Variants in DTNA observed in about 807,000 individuals in gnomAD.
The protein encoded by DTNA is dystrobrevin alpha.
In DTNA, 43 loss-of-function variants were observed where a neutral mutation model predicts 100.7. The observed-to-expected ratio is 0.43, with a 90% confidence interval of 0.33 to 0.55. The LOEUF (loss-of-function observed/expected upper bound fraction) is 0.55. Among genes scored for constraint, DTNA ranks in the 20% least tolerant of loss-of-function variants. DTNA has a pLI of 0.04. For missense variants in DTNA, 798 were observed against 953.9 expected, an observed-to-expected ratio of 0.84 and a Z score of 2.15; for synonymous variants, 349 against 347.9, an observed-to-expected ratio of 1.00 and a Z score of -0.04.
At chr18:34,584,895 C>T (rs775019702) in intron 1 of DTNA, among the ~76,000 whole-genome samples, 71 of 151,972 alleles carry the variant, frequency 4.7e-4, no homozygotes, top group Non-Finnish European at 9.4e-4. Flanking sequence ...TAAAATGAAT[C>T]GGGAAACAAA....
intron 1 of DTNA, among the ~76,000 whole-genome samples, chr18:34,661,978 G>A (rs926241311): frequency 2.6e-5 from 4 of 152,096 alleles, no homozygotes; most frequent in African/African-American, 9.7e-5. Context: ...CTGCGCCTCT[G>A]TGTGGCAGTC....
intron 1 of DTNA, among the ~76,000 whole-genome samples, chr18:34,699,854 G>A (rs1266039767): frequency 6.6e-6 from 1 of 150,762 alleles, no homozygotes; most frequent in Non-Finnish European, 1.5e-5. Context: ...AAAAAGCAAA[G>A]CAAAACAAAA....
At chr18:34,624,367 C>A (rs2057007216) in intron 1 of DTNA, among the ~76,000 whole-genome samples, 1 of 152,094 alleles carries the variant, frequency 6.6e-6, no homozygotes, top group Non-Finnish European at 1.5e-5. Flanking sequence ...ATAGAAAGTA[C>A]CTACTATGTT....
chr18:34,801,065 AT>A (rs1024497270), intron 4 of DTNA, among the ~76,000 whole-genome samples: 22 of 152,306 alleles, frequency 1.4e-4, no homozygotes, highest in African/African-American at 5.1e-4. Flanking sequence ...CACTATATAT[AT>A]TTTAACCAAA....
chr18:34,887,659 G>C (rs150730326), intron 22 of DTNA, 107 bp from the exon 23 acceptor site: 1 of 805,778 alleles, frequency 1.2e-6, no homozygotes, highest in Admixed American at 6.3e-5. Context: ...GTGTGTGTGC[G>C]CGCGCACTTT....
intron 21 of DTNA, among the ~76,000 whole-genome samples, chr18:34,884,386 G>A: frequency 6.6e-6 from 1 of 152,098 alleles, no homozygotes; most frequent in Non-Finnish European, 1.5e-5. Flanking sequence ...GATTCAACTG[G>A]AGTTTTTACC....
Position 34,692,861 on chromosome 18 carries a change from CTCTT to C in DTNA, c.-1-63109_-1-63106del, listed in dbSNP as rs372081121. 6.3e-3 allele frequency among the ~76,000 whole-genome samples: 962 copies of C among 152,232 alleles called. 2 individuals are homozygous for C. The highest frequency in any genetic ancestry group is 0.022 in the African/African-American group (920 of 41,534). ...CTCTTTAAGGCAAGAGTTTCTGTCT[CTCTT>C]TCTTTTTTCTCCTTAAGAATATTTA... On this transcript the variant is annotated intron_variant, in intron 1 of 19. Coordinates refer to the DTNA transcript ENST00000283365.
chr18:34,660,778 A>G (rs1469130909), intron 1 of DTNA, among the ~76,000 whole-genome samples: 1 of 152,174 alleles, frequency 6.6e-6, no homozygotes, highest in African/African-American at 2.4e-5. Context: ...CCAATTGCCA[A>G]TTAGAAATTG....
intron 7 of DTNA, among the ~76,000 whole-genome samples, chr18:34,817,382 G>A (rs570012191): frequency 1.3e-5 from 2 of 152,118 alleles, no homozygotes; most frequent in Non-Finnish European, 1.5e-5. Flanking sequence ...CTCATAGCAT[G>A]TAGACAATTA....
intron 3 of DTNA, among the ~76,000 whole-genome samples, chr18:34,775,193 A>C (rs2093979996): frequency 6.6e-6 from 1 of 152,236 alleles, no homozygotes; most frequent in East Asian, 1.9e-4. Flanking sequence ...AGCCCTTTAA[A>C]AGCAGAGAGT....
intron 1 of DTNA, among the ~76,000 whole-genome samples, chr18:34,714,939 C>A (rs1340748489): frequency 6.6e-6 from 1 of 151,758 alleles, no homozygotes; most frequent in East Asian, 1.9e-4. Context: ...TCATCACTCT[C>A]AGTAAACTAT....
At chr18:34,542,548 T>C (rs1182639974) in intron 1 of DTNA, among the ~76,000 whole-genome samples, 2 of 152,070 alleles carry the variant, frequency 1.3e-5, no homozygotes, top group Non-Finnish European at 2.9e-5. Flanking sequence ...GTGTTTCACT[T>C]AGCATGCCTC....
chr18:34,889,002 A>G lies in DTNA; in HGVS notation c.*1268A>G. 2.0e-6 allele frequency: 2 copies of G among 985,912 alleles called. No homozygotes were observed. The highest frequency in any genetic ancestry group is 2.4e-6 in the Non-Finnish European group (2 of 829,952). 61.1% of individuals were successfully genotyped at this position (985,912 alleles called of 1,614,324 possible). A position where few individuals can be genotyped will look rare whatever the true frequency, so the allele number is the denominator to read the frequency against. On this transcript the variant is annotated 3_prime_UTR_variant, in exon 23 of 23. Coordinates refer to ENST00000444659, the MANE Select transcript of DTNA (RefSeq NM_001386795.1). ...TGAAAAGCTGAAGTGCAAAAGAGCT[A>G]TCAAAGACAAGAGGATAAAAGACTG...
intron 1 of DTNA, among the ~76,000 whole-genome samples, chr18:34,578,616 C>T (rs928628012): frequency 4.6e-5 from 7 of 152,024 alleles, no homozygotes; most frequent in Admixed American, 1.3e-4. Context: ...TACTTAAGGC[C>T]TTGATCCATC....
At chr18:34,700,450 A>G (rs1048354830) in intron 1 of DTNA, among the ~76,000 whole-genome samples, 1 of 152,114 alleles carries the variant, frequency 6.6e-6, no homozygotes, top group Admixed American at 6.5e-5. Context: ...CTTTCTCACT[A>G]TCAGACTCCT....
At chr18:34,578,830 C>A (rs2048357414) in intron 1 of DTNA, among the ~76,000 whole-genome samples, 3 of 152,058 alleles carry the variant, frequency 2.0e-5, no homozygotes, top group African/African-American at 7.2e-5. Flanking sequence ...GTCTATGTGC[C>A]TATTTTTATA....
At chr18:34,868,773 T>C (rs1938986874) in intron 17 of DTNA, 1 of 984,940 alleles carries the variant, frequency 1.0e-6, no homozygotes, top group Admixed American at 6.1e-5. Flanking sequence ...GTGATGATTA[T>C]GATATCACAA....
At chr18:34,588,477 C>G (rs181577997) in intron 1 of DTNA, among the ~76,000 whole-genome samples, 292 of 152,172 alleles carry the variant, frequency 1.9e-3, no homozygotes, top group South Asian at 0.015. Flanking sequence ...TTGGATATTT[C>G]CCTCCTTGCC....
At chr18:34,573,779 G>A (rs139722159) in intron 1 of DTNA, among the ~76,000 whole-genome samples, 90 of 152,218 alleles carry the variant, frequency 5.9e-4, no homozygotes, top group Middle Eastern at 3.4e-3. Flanking sequence ...CCACCATGTT[G>A]TACACTGGAT....
Sources: gnomAD v4.1 joint callset for allele counts (sites outside exome capture counted in the v4.1 genomes callset) on GRCh38, gnomAD v4.1.1 for gene constraint, MANE v1.5 for transcripts, NCBI Gene and HGNC (gene_info 2026-07-23, HGNC 2026-07-21) for gene names.